The following PPIH variants were observed in gnomAD, a reference collection of about 807,000 sequenced individuals.
The protein encoded by PPIH is peptidyl-prolyl cis-trans isomerase H.
In PPIH, 16 loss-of-function variants were observed where a neutral mutation model predicts 27.6. That is an observed-to-expected ratio of 0.58 (90% CI 0.39 to 0.88). The LOEUF is 0.88. Ranked by LOEUF, PPIH falls within the 40% of genes least tolerant of loss-of-function variation. The pLI is 0.00. For synonymous variants in PPIH, 63 were observed against 76.1 expected (o/e 0.83, Z 0.90); for missense variants, 155 against 224.1 (o/e 0.69, Z 1.97).
chr1:42,670,826 C>T (rs183024881), intron 9 of PPIH, among the ~76,000 whole-genome samples: 4 of 152,188 alleles, frequency 2.6e-5, no homozygotes, highest in South Asian at 2.1e-4. Context: ...GATGGAGTCT[C>T]GCTCTGTCGC....
chr1:42,658,653 G>C (rs773944786), intron 1 of PPIH, 141 bp downstream of exon 1: 9 of 1,162,364 alleles, frequency 7.7e-6, no homozygotes, highest in African/African-American at 3.1e-5. Context: ...CTGCCGGGCG[G>C]GGGGAAAGGA....
At chr1:42,659,589 CT>C (rs776763313) in intron 4 of PPIH, 23 bp downstream of exon 4, 1 of 1,601,768 alleles carries the variant, frequency 6.2e-7, no homozygotes, top group East Asian at 2.2e-5. Context: ...GCAAGCCATC[CT>C]GGAGTCTTTC....
At position 42,667,396 on chromosome 1, in the gene PPIH, A is replaced by G; in HGVS notation, c.511A>G (p.Ile171Val). 2 of 1,608,482 alleles carry G rather than the reference A, an allele frequency of 1.2e-6. No homozygotes were observed. The highest frequency in any genetic ancestry group is 1.7e-6 in the Non-Finnish European group (2 of 1,174,886). The change falls in exon 9 of 10, where the codon ATC becomes GTC. Residue 171 changes from isoleucine (I) to valine (V), a missense_variant. Ile to Val is a conservative substitution (Grantham distance 29). Coordinates refer to ENST00000304979, the MANE Select transcript of PPIH (RefSeq NM_006347.4). ...PNNKPKLPVV[I>V]SQCGEM ...CAATAAGCCCAAGCTACCTGTGGTG[A>G]TCTCGCAGTGTGGGGAGATGTAGTC...
chr1:42,658,466 G>C lies in PPIH; in HGVS notation c.20G>C (p.Ser7Thr). 1 of 1,614,166 alleles carries C rather than the reference G, an allele frequency of 6.2e-7. No homozygotes were observed. Among genetic ancestry groups the C allele is most frequent in the Non-Finnish European group, 8.5e-7 (1 of 1,180,002 alleles). ...GGAGCCATGGCGGTGGCAAATTCAA[G>C]TCCTGTTAACCCCGTGGTGTTCTTT... is the stretch of plus-strand genomic sequence containing the variant. MAVANS[S>T]PVNPVVFFDV... is the part of the protein sequence containing the mutation. The change falls in exon 1 of 10, where the codon AGT becomes ACT. Residue 7 changes from serine (S) to threonine (T), a missense_variant. Physicochemically the swap from Ser to Thr is moderately conservative, Grantham distance 58. Around this residue, in one of 2 missense-constraint regions of PPIH, gnomAD observed 59 missense variants for 48.8 expected, o/e 1.21. Transcript: ENST00000304979.
At position 42,664,624 on chromosome 1, in the gene PPIH, C is replaced by T. The variant is rs532464769; in HGVS notation, c.244-239C>T. ...TTAATTGATCGTTCTAGAGGCCCAGCTGTGACCTCTTTTATCCAGTCTATA... is the reference window on the plus strand; with the variant it reads ...TTAATTGATCGTTCTAGAGGCCCAGTTGTGACCTCTTTTATCCAGTCTATA... On this transcript the variant is annotated intron_variant, in intron 5 of 9. Transcript: ENST00000304979. Among the ~76,000 whole-genome samples the T allele has an allele frequency of 3.3e-5, 5 of 152,262 alleles. No homozygotes were observed. The South Asian group carries it at 1.0e-3, about 32-fold the overall frequency.
chr1:42,675,394 A>C (rs4660654), intron 9 of PPIH: 16,693 of 152,300 alleles, frequency 0.11, 967 homozygotes, highest in East Asian at 0.19. Flanking sequence ...GGGTGCTCCC[A>C]CAGCACTTGG....
chr1:42,677,647 C>A (rs531140794), downstream of PPIH, among the ~76,000 whole-genome samples: 9 of 152,226 alleles, frequency 5.9e-5, no homozygotes, highest in Non-Finnish European at 1.3e-4. Context: ...CTTGTCTGTA[C>A]ACAACAAACA....
chr1:42,680,609 G>A (rs1649993191), downstream of PPIH, among the ~76,000 whole-genome samples: 1 of 152,202 alleles, frequency 6.6e-6, no homozygotes, highest in Admixed American at 6.5e-5. Flanking sequence ...CTTTCTGGCT[G>A]TTGTGGTGGG....
Position 42,667,441 on chromosome 1 carries a change from G to GT in PPIH, c.*21+2dup, listed in dbSNP as rs747064389. On this transcript the variant is annotated splice_donor_variant, in intron 9 of 9. Transcript: ENST00000304979. LOFTEE classifies it low-confidence loss of function (3UTR_SPLICE). Reference sequence around the variant, plus strand: ...GTAGTCCAGACAAAGACTGAATCAGGTAAGTGTGTCTTTCTCCTATTAGGT... The same window carrying GT: ...GTAGTCCAGACAAAGACTGAATCAGGTTAAGTGTGTCTTTCTCCTATTAGGT... 11 of 1,562,930 alleles carry GT rather than the reference G, an allele frequency of 7.0e-6. No individual in the cohort carries two copies. The highest frequency in any genetic ancestry group is 8.8e-6 in the Non-Finnish European group (10 of 1,133,702).
intron 9 of PPIH, among the ~76,000 whole-genome samples, chr1:42,670,594 A>G (rs1236512833): frequency 6.6e-6 from 1 of 151,706 alleles, no homozygotes; most frequent in Non-Finnish European, 1.5e-5. Context: ...CTCAGCCTGC[A>G]ACCCAAGCAG....
In PPIH at chr1:42,658,870, C is replaced by G. The variant is rs1215779635; in HGVS notation, c.93C>G (p.Leu31=). 1.2e-6 allele frequency: 2 copies of G among 1,614,126 alleles called. No homozygotes were observed. Among genetic ancestry groups the G allele is most frequent in the African/African-American group, 2.7e-5 (2 of 74,946 alleles). ...GQEVGRMKIE[L]FADVVPKTAE... ...AAGTTGGCCGCATGAAGATCGAGCT[C>G]TTTGCAGACGTTGTGCCTAAGACGG... The change falls in exon 2 of 10, where the codon CTC becomes CTG. Residue 31 remains leucine, a synonymous_variant. Coordinates refer to ENST00000304979, the MANE Select transcript of PPIH (RefSeq NM_006347.4).
downstream of PPIH, among the ~76,000 whole-genome samples, chr1:42,677,317 T>TAAAA (rs10631411): frequency 6.6e-6 from 1 of 151,194 alleles, no homozygotes; most frequent in African/African-American, 2.4e-5. Context: ...CTACTAAAAA[T>TAAAA]AAATTAGCTG....
chr1:42,665,023 T>C (rs1263157940), intron 6 of PPIH, 68 bp downstream of exon 6: 1 of 1,294,872 alleles, frequency 7.7e-7, no homozygotes, highest in African/African-American at 1.5e-5. Flanking sequence ...TGAGGCCCAG[T>C]GCTGTCTCTT....
chr1:42,664,604 T>C (rs967865359), intron 5 of PPIH, among the ~76,000 whole-genome samples: 1 of 152,154 alleles, frequency 6.6e-6, no homozygotes, highest in Non-Finnish European at 1.5e-5. Flanking sequence ...GCATCTTAAT[T>C]GATCGTTCTA....
chr1:42,665,572 G>A (rs145708682), intron 6 of PPIH, among the ~76,000 whole-genome samples: 1 of 152,226 alleles, frequency 6.6e-6, no homozygotes, highest in African/African-American at 2.4e-5. Flanking sequence ...GGGTGTGGTG[G>A]CTCACACCTG....
chr1:42,674,157 T>C (rs1435005868), intron 9 of PPIH, among the ~76,000 whole-genome samples: 1 of 152,194 alleles, frequency 6.6e-6, no homozygotes, highest in Non-Finnish European at 1.5e-5. Context: ...AAGCCCTGTA[T>C]TGGAGGTTTT....
At chr1:42,662,558 G>GA (rs1003029019) in intron 5 of PPIH, among the ~76,000 whole-genome samples, 35 of 140,344 alleles carry the variant, frequency 2.5e-4, no homozygotes, top group South Asian at 4.5e-4. Flanking sequence ...TGTCTAAAGG[G>GA]AAAAAAAAAA....
intron 9 of PPIH, among the ~76,000 whole-genome samples, chr1:42,669,434 TACA>T (rs1344157761): frequency 6.6e-6 from 1 of 152,138 alleles, no homozygotes; most frequent in African/African-American, 2.4e-5. Flanking sequence ...TAGCTAGGAC[TACA>T]GGTGCATGCC....
rs551268363 is a variant in PPIH at position 42,660,515 on chromosome 1, C to T, written c.201-347C>T. Among the ~76,000 whole-genome samples, 193 of 152,238 alleles carry T rather than the reference C, an allele frequency of 1.3e-3. 1 individual carries two copies. The highest frequency in any genetic ancestry group is 3.8e-3 in the African/African-American group (156 of 41,558). On this transcript the variant is annotated intron_variant, in intron 4 of 9. Transcript: ENST00000304979. ...CATGATCTTGGCTCACTGCAACCTC[C>T]GCCTCCTGGGTTCAAGCAATTCTTC...
Sources: gnomAD v4.1 joint callset for allele counts (sites outside exome capture counted in the v4.1 genomes callset) on GRCh38, gnomAD v4.1.1 for gene constraint, gnomAD v4.1.1 regional missense constraint, MANE v1.5 for transcripts, NCBI Gene and HGNC (gene_info 2026-07-23, HGNC 2026-07-21) for gene names.